RBFOX1: variants seen among roughly 807,000 people sequenced by gnomAD.
RBFOX1 encodes RNA binding protein fox-1 homolog 1.
Under a neutral mutation model 57.7 loss-of-function variants are expected in RBFOX1, and 8 were observed. The ratio of observed to expected loss-of-function variants is 0.14; its 90% CI spans 0.08 to 0.25. The LOEUF (loss-of-function observed/expected upper bound fraction) is 0.25, where lower values mean the gene tolerates loss of function less well. Among genes scored for constraint, RBFOX1 ranks in the 10% least tolerant of loss-of-function variants. The pLI is 1.00. For missense variants in RBFOX1, 611 were observed against 548.5 expected, an observed-to-expected ratio of 1.11 and a Z score of -1.14; for synonymous variants, 326 against 222.4, an observed-to-expected ratio of 1.47 and a Z score of -4.15.
intron 3 of RBFOX1, among the ~76,000 whole-genome samples, chr16:6,732,440 G>C (rs2068878869): frequency 6.6e-6 from 1 of 152,210 alleles, no homozygotes; most frequent in South Asian, 2.1e-4. Flanking sequence ...CCTGCACTGG[G>C]GAGTTTATTG....
intron 4 of RBFOX1, among the ~76,000 whole-genome samples, chr16:7,322,851 G>C (rs997398570): frequency 3.3e-5 from 5 of 152,070 alleles, no homozygotes; most frequent in African/African-American, 1.2e-4. Flanking sequence ...TTCCCCTTCT[G>C]TTTTCTCCTC....
intron 1 of RBFOX1, among the ~76,000 whole-genome samples, chr16:5,362,592 C>T (rs934066158): frequency 2.6e-5 from 4 of 152,152 alleles, no homozygotes; most frequent in African/African-American, 9.7e-5. Context: ...GAACTCCCGA[C>T]CTCAGGTGAT....
At chr16:7,588,673 G>T (rs539132564) in intron 7 of RBFOX1, among the ~76,000 whole-genome samples, 4 of 152,160 alleles carry the variant, frequency 2.6e-5, no homozygotes, top group African/African-American at 9.7e-5. Context: ...ATCACGGAGG[G>T]TCAGTAAGCG....
chr16:7,021,721 C>T (rs1397867657), intron 3 of RBFOX1, among the ~76,000 whole-genome samples: 3 of 150,258 alleles, frequency 2.0e-5, no homozygotes, highest in African/African-American at 4.9e-5. Context: ...AAGCTTTTTG[C>T]ACATAACAAA....
At chr16:5,344,255 G>A (rs1272031966) in intron 1 of RBFOX1, among the ~76,000 whole-genome samples, 2 of 152,124 alleles carry the variant, frequency 1.3e-5, no homozygotes, top group Non-Finnish European at 2.9e-5. Flanking sequence ...CCCATGTCCT[G>A]CAGCTCCCTC....
chr16:6,463,898 A>T (rs1308580114), intron 2 of RBFOX1, among the ~76,000 whole-genome samples: 1 of 152,072 alleles, frequency 6.6e-6, no homozygotes, highest in Non-Finnish European at 1.5e-5. Context: ...AGGTGTAATC[A>T]ATCCTGCAGG....
chr16:6,405,889 A>G (rs2093262754), intron 2 of RBFOX1, among the ~76,000 whole-genome samples: 1 of 152,228 alleles, frequency 6.6e-6, no homozygotes, highest in Non-Finnish European at 1.5e-5. Flanking sequence ...GCAATGGTTT[A>G]ACCTCCTTTC....
intron 4 of RBFOX1, among the ~76,000 whole-genome samples, chr16:7,508,112 A>C (rs534288361): frequency 1.3e-5 from 2 of 151,932 alleles, no homozygotes; most frequent in African/African-American, 2.4e-5. Flanking sequence ...TCAGCCTCCA[A>C]AGTAGCTGGG....
At chr16:7,233,074 C>A (rs570352538) in intron 4 of RBFOX1, among the ~76,000 whole-genome samples, 1 of 152,082 alleles carries the variant, frequency 6.6e-6, no homozygotes, top group South Asian at 2.1e-4. Flanking sequence ...TTCCCAACAG[C>A]GGCCAAAGAA....
At chr16:6,193,406 A>ATAC (rs1555545423) in intron 1 of RBFOX1, among the ~76,000 whole-genome samples, 4 of 107,646 alleles carry the variant, frequency 3.7e-5, no homozygotes, top group African/African-American at 1.0e-4. Context: ...ATATATATAT[A>ATAC]TATATATATA....
chr16:5,881,039 A>G (rs115547528), intron 4 of RBFOX1, among the ~76,000 whole-genome samples: 3,487 of 152,288 alleles, frequency 0.023, 135 homozygotes, highest in African/African-American at 0.078. Flanking sequence ...TACTACTGCA[A>G]TGTTGTGTCT....
At chr16:7,144,281 G>A (rs746516074) in intron 4 of RBFOX1, among the ~76,000 whole-genome samples, 1 of 152,084 alleles carries the variant, frequency 6.6e-6, no homozygotes, top group Non-Finnish European at 1.5e-5. Flanking sequence ...CCTCCCCAGA[G>A]GAATTGATAT....
At chr16:7,343,010 G>A (rs2096927277) in intron 4 of RBFOX1, among the ~76,000 whole-genome samples, 1 of 152,170 alleles carries the variant, frequency 6.6e-6, no homozygotes, top group Non-Finnish European at 1.5e-5. Flanking sequence ...AACTGGAGCT[G>A]GGTTGCAGGA....
intron 4 of RBFOX1, among the ~76,000 whole-genome samples, chr16:5,995,236 G>C (rs898120545): frequency 7.2e-5 from 11 of 152,124 alleles, no homozygotes; most frequent in Non-Finnish European, 1.5e-4. Flanking sequence ...GCAATATTCT[G>C]TGGGAAAGCA....
At position 5,439,891 on chromosome 16, in the gene RBFOX1, T is replaced by C. The variant is rs532139198; in HGVS notation, c.220-27325T>C. Among the ~76,000 whole-genome samples the C allele has an allele frequency of 3.9e-5, 6 of 152,268 alleles. No homozygotes were observed. The East Asian group carries it at 1.2e-3, about 29-fold the overall frequency. ...AGGGCATGAGATTAAAATTGAGTGG[T>C]TTAGAATTTGTAAGATCTGAGTAAA... On this transcript the variant is annotated intron_variant, in intron 1 of 2. Coordinates refer to the RBFOX1 transcript ENST00000585867.
At position 5,592,639 on chromosome 16, in the gene RBFOX1, T is replaced by G. The variant is rs1157146015; in HGVS notation, c.259-6263T>G. On this transcript the variant is annotated intron_variant, in intron 2 of 2. Transcript: ENST00000585867. ...CCATGTTGGCTAGGCTATAAAAATC[T>G]ATTTTATTATGTTAAGTCCTCTGTT... Among the ~76,000 whole-genome samples the G allele has an allele frequency of 2.0e-5, 3 of 152,264 alleles. No individual in the cohort carries two copies. In the East Asian group the frequency reaches 5.8e-4, roughly 29 times the overall value.
At chr16:6,628,655 T>A (rs1208116309) in intron 2 of RBFOX1, among the ~76,000 whole-genome samples, 2 of 152,200 alleles carry the variant, frequency 1.3e-5, no homozygotes, top group South Asian at 2.1e-4. Context: ...TTGTTTGTGG[T>A]CTTTTATTTT....
At chr16:6,798,719 C>T (rs752967931) in intron 3 of RBFOX1, among the ~76,000 whole-genome samples, 1 of 152,110 alleles carries the variant, frequency 6.6e-6, no homozygotes, top group Non-Finnish European at 1.5e-5. Context: ...AATATTTATA[C>T]ACCCAAGATA....
chr16:6,237,691 C>T (rs540669483), intron 1 of RBFOX1, among the ~76,000 whole-genome samples: 26 of 151,526 alleles, frequency 1.7e-4, no homozygotes, highest in African/African-American at 5.3e-4. Context: ...CAGTGAGCCA[C>T]GATCACACCA....
Sources: allele counts gnomAD v4.1 joint callset (sites outside exome capture counted in the v4.1 genomes callset), GRCh38; gene constraint gnomAD v4.1.1; transcripts MANE v1.5; gene names NCBI Gene and HGNC (gene_info 2026-07-23, HGNC 2026-07-21).